Variants in KIR2DL3 observed in about 807,000 individuals in gnomAD.
The protein encoded by KIR2DL3 is killer cell immunoglobulin-like receptor 2DL3.
In KIR2DL3, 39 loss-of-function variants were observed where a neutral mutation model predicts 33.8. The observed-to-expected ratio is 1.15, with a 90% confidence interval of 0.89 to 1.51. KIR2DL3 has a LOEUF of 1.51. Ranked by LOEUF, KIR2DL3 falls within the 40% of genes most tolerant of loss-of-function variation. The pLI, the probability that KIR2DL3 is intolerant of heterozygous loss-of-function variation, is 0.00. For missense variants in KIR2DL3, 462 were observed against 426.2 expected, an observed-to-expected ratio of 1.08 and a Z score of -0.74; for synonymous variants, 174 against 160.2, an observed-to-expected ratio of 1.09 and a Z score of -0.65.
chr19:54,741,828 G>A, intron 2 of KIR2DL3, 152 bp from the exon 3 acceptor site: 3 of 1,152,542 alleles, frequency 2.6e-6, no homozygotes, highest in African/African-American at 1.6e-5. Flanking sequence ...GGAAGGACCT[G>A]CACCAGGAGT....
intron 5 of KIR2DL3, 135 bp downstream of exon 5, chr19:54,747,520 C>G (rs546908631): frequency 8.3e-7 from 1 of 1,203,328 alleles, no homozygotes; most frequent in Non-Finnish European, 1.2e-6. Flanking sequence ...TCCAGATACT[C>G]CAACAGCGAA....
chr19:54,744,140 G>A, intron 4 of KIR2DL3, 52 bp downstream of exon 4: 2 of 1,606,084 alleles, frequency 1.2e-6, no homozygotes, highest in South Asian at 1.1e-5. Flanking sequence ...AGCCTTAGCT[G>A]AGGAGCTTCC....
chr19:54,747,018 T>C (rs1434424957), intron 4 of KIR2DL3, among the ~76,000 whole-genome samples: 1 of 141,632 alleles, frequency 7.1e-6, no homozygotes, highest in Non-Finnish European at 1.6e-5. Context: ...GGTAAATGCA[T>C]GGATTATATC....
At chr19:54,744,950 A>AT (rs2072171546) in intron 4 of KIR2DL3, among the ~76,000 whole-genome samples, 4 of 26,786 alleles carry the variant, frequency 1.5e-4, no homozygotes, top group African/African-American at 2.7e-4. Flanking sequence ...ATATATATAT[A>AT]TATATTTTTT....
At chr19:54,739,816 T>A (rs1292959683) in intron 2 of KIR2DL3, among the ~76,000 whole-genome samples, 1 of 152,158 alleles carries the variant, frequency 6.6e-6, no homozygotes, top group Non-Finnish European at 1.5e-5. Context: ...AAGGTGTTAC[T>A]CACACACTTC....
chr19:54,741,707 T>C (rs59238008), intron 2 of KIR2DL3, among the ~76,000 whole-genome samples: 3 of 149,728 alleles, frequency 2.0e-5, no homozygotes, highest in Non-Finnish European at 4.4e-5. Context: ...CAGCAGGAAA[T>C]ACATTAGTGT....
At chr19:54,741,292 A>G (rs1173211859) in intron 2 of KIR2DL3, among the ~76,000 whole-genome samples, 2 of 151,236 alleles carry the variant, frequency 1.3e-5, no homozygotes, top group Admixed American at 6.6e-5. Context: ...GTGAGCCTAG[A>G]CCACACCACT....
At chr19:54,748,173 T>A (rs1347368365) in intron 5 of KIR2DL3, among the ~76,000 whole-genome samples, 2 of 151,058 alleles carry the variant, frequency 1.3e-5, no homozygotes, top group African/African-American at 2.4e-5. Context: ...CAAAGACTGG[T>A]CACATCTCAC....
chr19:54,751,387 C>T (rs1488653710), intron 5 of KIR2DL3, among the ~76,000 whole-genome samples: 1 of 132,696 alleles, frequency 7.5e-6, no homozygotes, highest in East Asian at 2.0e-4. Context: ...AGAGGCCCAA[C>T]CTCCCACAGT....
At chr19:54,746,672 T>C (rs915978091) in intron 4 of KIR2DL3, among the ~76,000 whole-genome samples, 2 of 150,320 alleles carry the variant, frequency 1.3e-5, no homozygotes, top group African/African-American at 4.9e-5. Context: ...TTGTGAGTTC[T>C]TGGCACCTTT....
chr19:54,747,028 C>G (rs116949969), intron 4 of KIR2DL3, among the ~76,000 whole-genome samples: 1 of 124,156 alleles, frequency 8.1e-6, no homozygotes, highest in Non-Finnish European at 1.8e-5. Context: ...TGGATTATAT[C>G]TGTGTTCTTC....
intron 5 of KIR2DL3, among the ~76,000 whole-genome samples, chr19:54,747,778 C>T (rs1341007772): frequency 1.3e-5 from 2 of 152,132 alleles, no homozygotes; most frequent in Non-Finnish European, 2.9e-5. Flanking sequence ...GAATGAATTA[C>T]TGTTGGTCAT....
intron 1 of KIR2DL3, among the ~76,000 whole-genome samples, chr19:54,739,240 G>A (rs113217221): frequency 0.092 from 9,005 of 97,410 alleles, 358 homozygotes; most frequent in African/African-American, 0.16. Context: ...GGCCTAGGGT[G>A]GAGATCTGAG....
At chr19:54,741,183 C>A (rs1281282033) in intron 2 of KIR2DL3, among the ~76,000 whole-genome samples, 1 of 151,228 alleles carries the variant, frequency 6.6e-6, no homozygotes, top group African/African-American at 2.4e-5. Flanking sequence ...TAAGAAACAA[C>A]CCAAGGAAAG....
rs2070812311 is a variant in KIR2DL3, at chr19:54,740,429, A to G, written c.70+887A>G. ...GAGCTCTACAACAGAATATTCTGGAACAGCCTTTTCATGGGCCCTGTGACC... is the reference window on the plus strand; with the variant it reads ...GAGCTCTACAACAGAATATTCTGGAGCAGCCTTTTCATGGGCCCTGTGACC... On this transcript the variant is annotated intron_variant, in intron 2 of 7. Coordinates refer to ENST00000342376, the MANE Select transcript of KIR2DL3 (RefSeq NM_015868.3). 6.0e-5 allele frequency among the ~76,000 whole-genome samples: 9 copies of G among 149,604 alleles called. No homozygotes were observed. In the South Asian group the frequency reaches 1.9e-3, roughly 32 times the overall value.
In KIR2DL3 at chr19:54,748,212, C is replaced by G. The variant is rs1218191144; in HGVS notation, c.715+827C>G. Reference sequence around the variant, plus strand: ...GCATCACTCAGTGCCTTCTTCCTTACCACACCTCTTTCTCTGAATGCTGCT... The same window carrying G: ...GCATCACTCAGTGCCTTCTTCCTTAGCACACCTCTTTCTCTGAATGCTGCT... On this transcript the variant is annotated intron_variant, in intron 5 of 7. Transcript: ENST00000342376. Among the ~76,000 whole-genome samples the G allele has an allele frequency of 6.6e-5, 10 of 151,872 alleles. No homozygotes were observed. The South Asian group carries it at 1.5e-3, about 22-fold the overall frequency.
chr19:54,744,045 C>A lies in KIR2DL3; in HGVS notation c.621C>A (p.Tyr207Ter). 1 of 1,535,690 alleles carries A rather than the reference C, an allele frequency of 6.5e-7. No individual in the cohort carries two copies. ...TCGGCTCTTTCCGTGACTCTCCATACGAGTGGTCAAACTCGAGTGACCCAC... is the reference window on the plus strand; with the variant it reads ...TCGGCTCTTTCCGTGACTCTCCATAAGAGTGGTCAAACTCGAGTGACCCAC... ...RCFGSFRDSP[Y>*]EWSNSSDPLL... The change falls in exon 4 of 8, where the codon TAC becomes TAA. Residue 207 changes from tyrosine (Y) to a stop codon, truncating the protein, a stop_gained. Transcript: ENST00000342376. LOFTEE classifies it high-confidence loss of function.
At chr19:54,746,003 G>A (rs1358007435) in intron 4 of KIR2DL3, among the ~76,000 whole-genome samples, 2 of 131,526 alleles carry the variant, frequency 1.5e-5, no homozygotes, top group Non-Finnish European at 3.3e-5. Flanking sequence ...AGTAGAGACA[G>A]TGTTTCTTCA....
At chr19:54,740,031 T>G (rs571112049) in intron 2 of KIR2DL3, among the ~76,000 whole-genome samples, 8 of 151,966 alleles carry the variant, frequency 5.3e-5, no homozygotes, top group Non-Finnish European at 1.2e-4. Context: ...GTGAGTAATC[T>G]TACAGTATTA....
Sources: allele counts gnomAD v4.1 joint callset (sites outside exome capture counted in the v4.1 genomes callset), GRCh38; gene constraint gnomAD v4.1.1; transcripts MANE v1.5; gene names NCBI Gene and HGNC (gene_info 2026-07-23, HGNC 2026-07-21).